The following APP variants were observed in gnomAD, a reference collection of about 807,000 sequenced individuals.
APP encodes the protein amyloid-beta precursor protein.
A neutral mutation model predicts 101.4 loss-of-function variants in APP; 31 were observed. The ratio of observed to expected loss-of-function variants is 0.31; its 90% CI spans 0.23 to 0.41. APP has a LOEUF of 0.41. APP is among the 10% of genes least tolerant of loss of function. APP has a pLI of 1.00. For synonymous variants in APP, 366 were observed against 364.4 expected, an observed-to-expected ratio of 1.00 and a Z score of -0.05; for missense variants, 839 against 1,003.7, an observed-to-expected ratio of 0.84 and a Z score of 2.22.
At chr21:25,935,936 C>G (rs564627438) in intron 13 of APP, among the ~76,000 whole-genome samples, 2 of 151,732 alleles carry the variant, frequency 1.3e-5, no homozygotes, top group Non-Finnish European at 2.9e-5. Context: ...TCATCAAGGC[C>G]GAGTTTAGGC....
In APP at chr21:25,991,417, C is replaced by T. The variant is rs1308969630; in HGVS notation, c.1090+5943G>A. Among the ~76,000 whole-genome samples, 3 of 152,220 alleles carry T rather than the reference C, an allele frequency of 2.0e-5. No homozygotes were observed. The East Asian group carries it at 5.8e-4, about 29-fold the overall frequency. On this transcript the variant is annotated intron_variant, in intron 8 of 17. Transcript: ENST00000346798. ...CTTGAGATGAAGTCTCGCTCTTGTC[C>T]CCCAGGCTGGAGTGCGATGGTGTGA...
intron 13 of APP, among the ~76,000 whole-genome samples, chr21:25,923,457 G>A (rs1175027360): frequency 8.3e-6 from 1 of 120,876 alleles, no homozygotes; most frequent in African/African-American, 3.5e-5. Context: ...TACAACATGG[G>A]AGAAAATTTT....
intron 13 of APP, among the ~76,000 whole-genome samples, chr21:25,931,679 G>C (rs2040154876): frequency 6.6e-6 from 1 of 152,214 alleles, no homozygotes; most frequent in African/African-American, 2.4e-5. Context: ...GGGCATTTTG[G>C]TGGCGGTATT....
chr21:25,992,460 T>C (rs2042905849), intron 8 of APP, among the ~76,000 whole-genome samples: 1 of 152,202 alleles, frequency 6.6e-6, no homozygotes, highest in South Asian at 2.1e-4. Context: ...TAAATGAATT[T>C]CATGTTATTT....
chr21:26,058,789 TAA>T (rs1333042370), intron 3 of APP, among the ~76,000 whole-genome samples: 13 of 151,568 alleles, frequency 8.6e-5, no homozygotes, highest in Non-Finnish European at 1.3e-4. Flanking sequence ...ATGTTTAAAA[TAA>T]AGACATTAGG....
chr21:26,156,566 AAAC>A (rs2063379748), intron 1 of APP, among the ~76,000 whole-genome samples: 1 of 150,534 alleles, frequency 6.6e-6, no homozygotes, highest in African/African-American at 2.5e-5. Flanking sequence ...CAGATAAAGC[AAAC>A]AACAGCCCCC....
At chr21:25,926,795 A>T (rs2039914309) in intron 13 of APP, among the ~76,000 whole-genome samples, 1 of 152,130 alleles carries the variant, frequency 6.6e-6, no homozygotes, top group Non-Finnish European at 1.5e-5. Context: ...TGAGGTCAGG[A>T]GATCGAGAGC....
At chr21:26,012,985 AAACAAAAC>A (rs1301500753) in intron 6 of APP, among the ~76,000 whole-genome samples, 540 of 6,710 alleles carry the variant, frequency 0.08, 6 homozygotes, top group Middle Eastern at 0.5. Flanking sequence ...CAACAAAACA[AAACAAAAC>A]AAAACAAAAC....
intron 6 of APP, among the ~76,000 whole-genome samples, chr21:26,011,393 A>C (rs894994196): frequency 3.3e-5 from 5 of 151,856 alleles, no homozygotes; most frequent in Non-Finnish European, 7.4e-5. Flanking sequence ...CACATATCTA[A>C]AGCTGCTCAT....
At chr21:26,088,858 A>G (rs558055468) in intron 3 of APP, among the ~76,000 whole-genome samples, 2 of 152,344 alleles carry the variant, frequency 1.3e-5, no homozygotes, top group South Asian at 2.1e-4. Flanking sequence ...CATCAATTAC[A>G]TTGTAAGTAA....
chr21:25,901,180 C>T (rs942294787), intron 15 of APP, among the ~76,000 whole-genome samples: 2 of 151,630 alleles, frequency 1.3e-5, no homozygotes, highest in Non-Finnish European at 2.9e-5. Flanking sequence ...TCCCTGTAAT[C>T]CCAGCTGCAT....
intron 3 of APP, among the ~76,000 whole-genome samples, chr21:26,067,213 A>T (rs2046489726): frequency 6.6e-6 from 1 of 152,236 alleles, no homozygotes; most frequent in African/African-American, 2.4e-5. Context: ...AAATTTCATC[A>T]TTTCAACATG....
intron 13 of APP, among the ~76,000 whole-genome samples, chr21:25,926,755 C>G (rs1182082094): frequency 6.6e-6 from 1 of 152,074 alleles, no homozygotes. Context: ...AGAAGCATAT[C>G]ACGCCTGTAA....
At chr21:25,913,496 ATAAAT>A (rs1191058776) in intron 13 of APP, among the ~76,000 whole-genome samples, 3 of 152,252 alleles carry the variant, frequency 2.0e-5, no homozygotes, top group Non-Finnish European at 4.4e-5. Context: ...GTCTGATTAA[ATAAAT>A]TAAATGAGCA....
chr21:25,942,961 C>G (rs2040640224), intron 13 of APP: 1 of 152,102 alleles, frequency 6.6e-6, no homozygotes, highest in South Asian at 2.1e-4. Flanking sequence ...TCCACAGTCC[C>G]TCATCCTCTC....
Position 26,136,197 on chromosome 21 carries a change from GAAAGA to G in APP, c.58-24056_58-24052del, listed in dbSNP as rs1555882217. Among the ~76,000 whole-genome samples, 132 of 124,138 alleles carry G rather than the reference GAAAGA, an allele frequency of 1.1e-3. 4 individuals carry two copies. The highest frequency in any genetic ancestry group is 3.9e-3 in the Middle Eastern group (1 of 256). The allele number at this position is 124,138 out of a possible 152,430, so 81.4% of individuals were successfully genotyped here. A position where few individuals can be genotyped will look rare whatever the true frequency, so the allele number is the denominator to read the frequency against. On this transcript the variant is annotated intron_variant, in intron 1 of 17. Transcript: ENST00000346798. ...AGAAAGAAAGAAAGAAAGAAAGAAAGAAAGAAAAGAAAAGAAAGAAAAGAAATAGT... is the reference window on the plus strand; with the variant it reads ...AGAAAGAAAGAAAGAAAGAAAGAAAGAAAGAAAAGAAAGAAAAGAAATAGT...
At chr21:26,125,225 A>G (rs2062656806) in intron 1 of APP, among the ~76,000 whole-genome samples, 1 of 152,224 alleles carries the variant, frequency 6.6e-6, no homozygotes. Context: ...AGCAAGCAAG[A>G]GCAGCATCCC....
rs77668908 is a variant in APP at position 26,168,730 on chromosome 21, T to C, written c.57+1834A>G. Among the ~76,000 whole-genome samples the C allele has an allele frequency of 3.0e-3, 455 of 152,350 alleles. 6 individuals are homozygous for C. In the East Asian group the frequency reaches 0.034, roughly 11 times the overall value. ...TCTACAAATAAATGTAAGTAAGTCA[T>C]GAGAGAAATCAGAATTCTCTTAGTT... On this transcript the variant is annotated intron_variant, in intron 1 of 17. Transcript: ENST00000346798.
intron 2 of APP, among the ~76,000 whole-genome samples, chr21:26,101,149 G>C (rs2062048862): frequency 1.4e-5 from 2 of 141,326 alleles, no homozygotes; most frequent in African/African-American, 5.3e-5. Flanking sequence ...CGCCAGGCTG[G>C]AGTGCAGTGG....
Sources: gnomAD v4.1 joint callset for allele counts (sites outside exome capture counted in the v4.1 genomes callset) on GRCh38, gnomAD v4.1.1 for gene constraint, MANE v1.5 for transcripts, NCBI Gene and HGNC (gene_info 2026-07-23, HGNC 2026-07-21) for gene names.